Variants in DPH6 observed in about 807,000 individuals in gnomAD.
DPH6 encodes the protein diphthine--ammonia ligase.
A neutral mutation model predicts 38.2 loss-of-function variants in DPH6; 33 were observed. The ratio of observed to expected loss-of-function variants is 0.86; its 90% CI spans 0.65 to 1.15. The LOEUF (loss-of-function observed/expected upper bound fraction) is 1.15. DPH6 is among the 50% of genes most tolerant of loss of function. The probability of loss-of-function intolerance (pLI) is 0.00; values close to 1 mark genes in which losing one functional copy is unlikely to be tolerated. For missense variants in DPH6, 325 were observed against 320.0 expected (o/e 1.02, Z -0.12); for synonymous variants, 108 against 103.0 (o/e 1.05, Z -0.30).
chr15:35,158,034 T>C, the DPH6 span, among the ~76,000 whole-genome samples: 1 of 152,130 alleles, frequency 6.6e-6, no homozygotes, highest in East Asian at 1.9e-4. Flanking sequence ...TTAGAATCCC[T>C]GGGTAATACT....
intron 3 of DPH6, among the ~76,000 whole-genome samples, chr15:35,512,579 C>G (rs1157459423): frequency 6.6e-6 from 1 of 152,056 alleles, no homozygotes; most frequent in East Asian, 1.9e-4. Context: ...CCTTGTATTA[C>G]ATGACTGAAT....
intron 3 of DPH6, among the ~76,000 whole-genome samples, chr15:35,487,867 T>C (rs968495058): frequency 6.6e-6 from 1 of 152,226 alleles, no homozygotes; most frequent in Non-Finnish European, 1.5e-5. Context: ...AGTTTCAATT[T>C]CAGACTATCT....
At chr15:35,362,180 C>G (rs1748128463) in intron 3 of DPH6, among the ~76,000 whole-genome samples, 1 of 152,194 alleles carries the variant, frequency 6.6e-6, no homozygotes, top group Non-Finnish European at 1.5e-5. Flanking sequence ...TGTAATTTCA[C>G]AAGGAGAGAA....
chr15:35,542,292 T>C (rs2055263973), intron 2 of DPH6, 121 bp downstream of exon 2: 2 of 757,440 alleles, frequency 2.6e-6, no homozygotes, highest in Non-Finnish European at 4.1e-6. Flanking sequence ...TAGCATCTAA[T>C]GGGTGCTTAA....
chr15:35,498,916 T>C (rs1423105785), intron 3 of DPH6, among the ~76,000 whole-genome samples: 6 of 136,922 alleles, frequency 4.4e-5, no homozygotes, highest in Non-Finnish European at 9.1e-5. Context: ...GAGAACAGCC[T>C]GAGCAACACA....
At chr15:35,325,617 T>C (rs1264581961) in intron 3 of DPH6, among the ~76,000 whole-genome samples, 14 of 151,528 alleles carry the variant, frequency 9.2e-5, no homozygotes, top group Admixed American at 4.6e-4. Flanking sequence ...ATCTGGAAGG[T>C]AAACAATAAA....
the DPH6 span, among the ~76,000 whole-genome samples, chr15:35,189,736 G>C: frequency 2.0e-5 from 3 of 152,098 alleles, no homozygotes; most frequent in African/African-American, 4.8e-5. Flanking sequence ...GAAAAGCCAC[G>C]ACAAATTTAT....
At chr15:35,458,501 A>T (rs539450879) in intron 3 of DPH6, among the ~76,000 whole-genome samples, 6 of 152,340 alleles carry the variant, frequency 3.9e-5, no homozygotes, top group African/African-American at 7.2e-5. Context: ...AAGATCTACC[A>T]CATAGTCAAT....
chr15:35,269,703 G>T (rs2051809269), intron 3 of DPH6, among the ~76,000 whole-genome samples: 1 of 150,780 alleles, frequency 6.6e-6, no homozygotes, highest in Non-Finnish European at 1.5e-5. Context: ...CTCCCAAAGT[G>T]CTGGGATTAC....
chr15:35,222,914 A>G (rs1044753919), intron 3 of DPH6, among the ~76,000 whole-genome samples: 5 of 152,108 alleles, frequency 3.3e-5, no homozygotes, highest in Non-Finnish European at 5.9e-5. Flanking sequence ...CTTCGTAGCT[A>G]TCTTATTTAG....
chr15:35,230,292 T>C lies in DPH6; in HGVS notation n.201-9710A>G, dbSNP rs371923491. Among the ~76,000 whole-genome samples, 41 of 152,330 alleles carry C rather than the reference T, an allele frequency of 2.7e-4. 1 individual carries two copies. The highest frequency in any genetic ancestry group is 1.7e-3 in the East Asian group (9 of 5,178). On this transcript the variant is annotated intron_variant and non_coding_transcript_variant, in intron 3 of 3. Coordinates refer to the DPH6 transcript ENST00000560386. ...CCAAAGGCAGAGGAGCCTCACCTTG[T>C]GGCCATCACTACCTCAGACCCACAA...
chr15:35,454,862 A>T (rs150419658), intron 3 of DPH6, 42 bp from the exon 4 acceptor site: 1 of 1,445,400 alleles, frequency 6.9e-7, no homozygotes, highest in Admixed American at 1.9e-5. Context: ...AAATAAAGTA[A>T]CAAATGGCTC....
the DPH6 span, among the ~76,000 whole-genome samples, chr15:35,200,983 CTTTTT>C: frequency 8.1e-6 from 1 of 123,876 alleles, no homozygotes; most frequent in Non-Finnish European, 1.6e-5. Flanking sequence ...AATAATTTCC[CTTTTT>C]TTTTTTTTTT....
At chr15:35,409,924 A>G (rs893521866) in intron 6 of DPH6, among the ~76,000 whole-genome samples, 1 of 151,856 alleles carries the variant, frequency 6.6e-6, no homozygotes, top group Admixed American at 6.6e-5. Context: ...AGGAATTAAC[A>G]CTATGAAAAA....
chr15:35,373,396 A>G (rs558180383), intron 8 of DPH6, 125 bp downstream of exon 8: 723 of 788,398 alleles, frequency 9.2e-4, no homozygotes, highest in Non-Finnish European at 1.3e-3. Context: ...GCTGAAAAAA[A>G]ACCACTAATG....
chr15:35,496,561 AAAAAAAATAT>A (rs1209213651), intron 3 of DPH6, among the ~76,000 whole-genome samples: 1 of 16,182 alleles, frequency 6.2e-5, no homozygotes, highest in Non-Finnish European at 1.2e-4. Context: ...ATCTCAAAAA[AAAAAAAATAT>A]ATATATATAT....
chr15:35,511,144 C>T (rs747695021), intron 3 of DPH6, among the ~76,000 whole-genome samples: 1 of 152,050 alleles, frequency 6.6e-6, no homozygotes, highest in Non-Finnish European at 1.5e-5. Flanking sequence ...AATAAGATCC[C>T]CAAATGATCT....
At chr15:35,427,632 T>G (rs2053585540) in intron 5 of DPH6, among the ~76,000 whole-genome samples, 2 of 151,852 alleles carry the variant, frequency 1.3e-5, no homozygotes, top group Admixed American at 1.3e-4. Flanking sequence ...AAGAGAACAC[T>G]GTTTCTCTCC....
intron 3 of DPH6, among the ~76,000 whole-genome samples, chr15:35,499,107 G>A (rs1030546396): frequency 6.6e-6 from 1 of 151,994 alleles, no homozygotes; most frequent in Non-Finnish European, 1.5e-5. Context: ...TACTCCTTGA[G>A]AAAGCCAGTC....
Sources: allele counts gnomAD v4.1 joint callset (sites outside exome capture counted in the v4.1 genomes callset), GRCh38; gene constraint gnomAD v4.1.1; transcripts MANE v1.5; gene names NCBI Gene and HGNC (gene_info 2026-07-23, HGNC 2026-07-21).